SLC68A1: variants seen among roughly 807,000 people sequenced by gnomAD.
SLC68A1 encodes the protein major facilitator superfamily domain containing 13A.
the SLC68A1 span, chr10:102,472,142 G>A: frequency 5.0e-5 from 20 of 396,618 alleles, no homozygotes; most frequent in Non-Finnish European, 7.7e-5. Context: ...CAGCCTGGGC[G>A]GCAGAGAAAG....
chr10:102,468,678 A>AG, the SLC68A1 span: 614 of 195,538 alleles, frequency 3.1e-3, no homozygotes, highest in Non-Finnish European at 4.7e-3. Flanking sequence ...AAAAAAAAAA[A>AG]AAGACATCGA....
the SLC68A1 span, among the ~76,000 whole-genome samples, chr10:102,469,403 A>G: frequency 6.6e-6 from 1 of 152,160 alleles, no homozygotes; most frequent in Non-Finnish European, 1.5e-5. Context: ...TTTCCTGGCC[A>G]CTGTCTTACA....
the SLC68A1 span, chr10:102,469,245 G>A: frequency 6.3e-7 from 1 of 1,599,466 alleles, no homozygotes; most frequent in South Asian, 1.1e-5. Flanking sequence ...GTGGGGTGGA[G>A]ACTAGAGGCT....
chr10:102,463,939 G>A, the SLC68A1 span, among the ~76,000 whole-genome samples: 6 of 152,332 alleles, frequency 3.9e-5, no homozygotes, highest in African/African-American at 1.4e-4. Flanking sequence ...TGGCAGACAA[G>A]AGGGGCTAGG....
chr10:102,476,495 G>T, the SLC68A1 span: 4 of 985,664 alleles, frequency 4.1e-6, no homozygotes, highest in African/African-American at 7.0e-5. Flanking sequence ...ATGAGCCACC[G>T]CACTCGGCCA....
chr10:102,466,775 C>CG, the SLC68A1 span, among the ~76,000 whole-genome samples: 4 of 152,100 alleles, frequency 2.6e-5, no homozygotes, highest in Non-Finnish European at 4.4e-5. Flanking sequence ...TCTGGGTAGG[C>CG]GGGGGGAGCC....
At chr10:102,463,626 G>GT in the SLC68A1 span, among the ~76,000 whole-genome samples, 2 of 150,630 alleles carry the variant, frequency 1.3e-5, no homozygotes, top group African/African-American at 4.9e-5. Flanking sequence ...GGGGCAGGGT[G>GT]TGGGGGGGAT....
the SLC68A1 span, chr10:102,472,055 C>A: frequency 6.6e-6 from 3 of 455,062 alleles, no homozygotes; most frequent in Non-Finnish European, 1.3e-5. Context: ...CCCAGCACTT[C>A]GGGACGCCAA....
chr10:102,471,894 A>G, the SLC68A1 span: 170,413 of 346,612 alleles, frequency 0.49, 43,346 homozygotes, highest in Middle Eastern at 0.6. Context: ...TTCCCTCCCT[A>G]TGTGATCTTA....
At chr10:102,472,598 A>G in the SLC68A1 span, among the ~76,000 whole-genome samples, 2 of 152,222 alleles carry the variant, frequency 1.3e-5, no homozygotes, top group African/African-American at 4.8e-5. Context: ...AATTAAAAAG[A>G]AAAAGCTTTT....
At chr10:102,469,124 T>C in the SLC68A1 span, 1 of 1,614,088 alleles carries the variant, frequency 6.2e-7, no homozygotes, top group Non-Finnish European at 8.5e-7. Flanking sequence ...CTGCACAATG[T>C]CTTCCTGCTC....
chr10:102,475,847 C>A, the SLC68A1 span: 1 of 1,614,054 alleles, frequency 6.2e-7, no homozygotes, highest in African/African-American at 1.3e-5. Flanking sequence ...CCTGCTGGTG[C>A]TGGTGCCCAT....
At chr10:102,466,270 G>T in the SLC68A1 span, among the ~76,000 whole-genome samples, 3 of 151,984 alleles carry the variant, frequency 2.0e-5, no homozygotes, top group African/African-American at 7.3e-5. Flanking sequence ...GATCACCTGA[G>T]GTCAGGAGTT....
At chr10:102,473,112 C>T in the SLC68A1 span, 1 of 656,014 alleles carries the variant, frequency 1.5e-6, no homozygotes, top group Admixed American at 2.6e-5. Context: ...AGGTGTGAGC[C>T]ACTGCGCCCA....
the SLC68A1 span, chr10:102,470,739 T>G: frequency 6.2e-7 from 1 of 1,613,802 alleles, no homozygotes; most frequent in East Asian, 2.2e-5. Context: ...GGGCCGCTGC[T>G]GGCGCTGTCG....
the SLC68A1 span, chr10:102,472,262 A>G: frequency 1.0e-5 from 3 of 290,014 alleles, no homozygotes. Flanking sequence ...TTGTTTCACT[A>G]ATGTGTTTTC....
At chr10:102,476,210 G>T in the SLC68A1 span, 1 of 703,826 alleles carries the variant, frequency 1.4e-6, no homozygotes, top group Non-Finnish European at 2.1e-6. Flanking sequence ...TGGGATTATA[G>T]GAGCGTGCCA....
At chr10:102,473,882 C>T in the SLC68A1 span, 50 of 1,614,136 alleles carry the variant, frequency 3.1e-5, no homozygotes, top group Non-Finnish European at 3.7e-5. Context: ...ACCTGGTAGA[C>T]GAGGACCTGG....
the SLC68A1 span, chr10:102,469,799 G>A: frequency 3.0e-5 from 29 of 976,530 alleles, no homozygotes; most frequent in South Asian, 4.8e-5. Flanking sequence ...CACCTGCCTC[G>A]GCCTCCCAAA....
Sources: gnomAD v4.1 joint callset for allele counts (sites outside exome capture counted in the v4.1 genomes callset) on GRCh38, gnomAD v4.1.1 for gene constraint, MANE v1.5 for transcripts, NCBI Gene and HGNC (gene_info 2026-07-23, HGNC 2026-07-21) for gene names.